C11orf65: variants seen among roughly 807,000 people sequenced by gnomAD.
C11orf65 encodes the protein protein MFI.
A neutral mutation model predicts 35.3 loss-of-function variants in C11orf65; 38 were observed. The observed-to-expected ratio is 1.08, with a 90% confidence interval of 0.83 to 1.41. The LOEUF is 1.41. Ranked by LOEUF, C11orf65 falls within the 40% of genes most tolerant of loss-of-function variation. The pLI is 0.00. For missense variants in C11orf65, 370 were observed against 367.1 expected (o/e 1.01, Z -0.06); for synonymous variants, 105 against 114.4 (o/e 0.92, Z 0.53).
downstream of C11orf65, among the ~76,000 whole-genome samples, chr11:108,379,371 G>A (rs1425222210): frequency 3.3e-5 from 5 of 150,624 alleles, no homozygotes; most frequent in South Asian, 2.1e-4. Flanking sequence ...GTAAACTATC[G>A]CAGGACAAAA....
chr11:108,371,493 CTT>C (rs2091575429), intron 2 of C11orf65, among the ~76,000 whole-genome samples: 1 of 152,140 alleles, frequency 6.6e-6, no homozygotes, highest in Admixed American at 6.6e-5. Context: ...ATATTTGTCT[CTT>C]TGTGACTAGC....
At chr11:108,331,755 G>A (rs2086266439) in intron 3 of C11orf65, 1 of 1,311,010 alleles carries the variant, frequency 7.6e-7, no homozygotes, top group East Asian at 2.5e-5. Flanking sequence ...ACACATGCAG[G>A]CATACACGCT....
chr11:108,347,207 T>C (rs1419304398), intron 2 of C11orf65: 3 of 1,187,158 alleles, frequency 2.5e-6, no homozygotes, highest in South Asian at 1.2e-5. Flanking sequence ...GTGGTCTTAA[T>C]TGAAATTATG....
In C11orf65 at chr11:108,467,473, A is replaced by C. The variant is rs905421339; in HGVS notation, c.-12T>G. On this transcript the variant is annotated splice_region_variant and 5_prime_UTR_variant, in exon 1 of 9. Coordinates refer to ENST00000393084, the MANE Select transcript of C11orf65 (RefSeq NM_152587.5). ...GGGACACTATTCCCTTCACCTACCA[A>C]TCGCTGCTGGCCCGGGCGCCGCTGG... The C allele has an allele frequency of 1.3e-5, 2 of 152,372 alleles. No individual in the cohort carries two copies. Among genetic ancestry groups the C allele is most frequent in the African/African-American group, 4.8e-5 (2 of 41,426 alleles). 9.4% of individuals were successfully genotyped at this position (152,372 alleles called of 1,614,324 possible). A position where few individuals can be genotyped will look rare whatever the true frequency, so the allele number is the denominator to read the frequency against.
chr11:108,376,581 A>G (rs1000675457), intron 2 of C11orf65, among the ~76,000 whole-genome samples: 1 of 151,110 alleles, frequency 6.6e-6, no homozygotes, highest in Admixed American at 6.6e-5. Flanking sequence ...TAGAAAAGCA[A>G]GAGCAAACAC....
chr11:108,335,886 C>A lies in C11orf65; in HGVS notation c.227-594G>T, dbSNP rs1060504307. On this transcript the variant is annotated intron_variant, in intron 2 of 3. Transcript: ENST00000524755. Reference sequence around the variant, plus strand: ...GACAAGATGCTGTCATGCAACAGGTCTTCCAGATGTGTAATACATTACTGC... The same window carrying A: ...GACAAGATGCTGTCATGCAACAGGTATTCCAGATGTGTAATACATTACTGC... 6.2e-7 allele frequency: 1 copy of A among 1,613,960 alleles called. No individual in the cohort carries two copies. Among genetic ancestry groups the A allele is most frequent in the Non-Finnish European group, 8.5e-7 (1 of 1,179,934 alleles).
chr11:108,310,152 T>C lies in C11orf65; in HGVS notation c.641-1081A>G. ...AAGTGAATGACATTATATCTCATTT[T>C]TCTTTAGACCTTCTTCAGGAACAAT... is the stretch of plus-strand genomic sequence containing the variant. On this transcript the variant is annotated intron_variant, in intron 6 of 6. Transcript: ENST00000525729. 6.2e-7 allele frequency: 1 copy of C among 1,612,054 alleles called. No individual in the cohort carries two copies. The highest frequency in any genetic ancestry group is 8.5e-7 in the Non-Finnish European group (1 of 1,178,612).
At chr11:108,320,855 T>A (rs534134534) in intron 6 of C11orf65, among the ~76,000 whole-genome samples, 1 of 152,324 alleles carries the variant, frequency 6.6e-6, no homozygotes, top group East Asian at 1.9e-4. Context: ...ACCAATAACA[T>A]AAGCAGTAGA....
intron 2 of C11orf65, among the ~76,000 whole-genome samples, chr11:108,356,305 A>G (rs2089916112): frequency 6.6e-6 from 1 of 152,086 alleles, no homozygotes; most frequent in Non-Finnish European, 1.5e-5. Context: ...AGAGGCCGAG[A>G]CAGGTGGATC....
At chr11:108,433,559 GAC>G (rs1006220322) in intron 2 of C11orf65, among the ~76,000 whole-genome samples, 84 of 149,788 alleles carry the variant, frequency 5.6e-4, no homozygotes, top group African/African-American at 2.0e-3. Context: ...CAGCCTGGGT[GAC>G]AGAGTGAGAC....
chr11:108,434,627 G>A (rs1401442844), intron 2 of C11orf65, among the ~76,000 whole-genome samples: 4 of 151,892 alleles, frequency 2.6e-5, no homozygotes, highest in Non-Finnish European at 5.9e-5. Context: ...CTAACACTGA[G>A]CCCCTGGTAT....
chr11:108,317,735 T>A lies in C11orf65; in HGVS notation c.641-8664A>T, dbSNP rs117867175. ...GTGTGTATATATATATAAAAAAATA[T>A]ATAGTAGATGTTGCAAGCTATAGAT... On this transcript the variant is annotated intron_variant, in intron 6 of 6. Transcript: ENST00000525729. Among the ~76,000 whole-genome samples, 15,562 of 148,240 alleles carry A rather than the reference T, an allele frequency of 0.1. 1,157 individuals carry two copies. Among genetic ancestry groups the A allele is most frequent in the Non-Finnish European group, 0.14 (9,730 of 67,252 alleles).
intron 6 of C11orf65, among the ~76,000 whole-genome samples, chr11:108,403,309 A>C (rs1166389808): frequency 1.3e-5 from 2 of 151,316 alleles, no homozygotes; most frequent in African/African-American, 4.9e-5. Flanking sequence ...GATTAATCAT[A>C]GTCACTGGTT....
In C11orf65 at chr11:108,365,111, G is replaced by T. The variant is rs1060501650; in HGVS notation, c.226+28097C>A. 1 of 1,614,044 alleles carries T rather than the reference G, an allele frequency of 6.2e-7. No homozygotes were observed. The highest frequency in any genetic ancestry group is 8.5e-7 in the Non-Finnish European group (1 of 1,179,998). On this transcript the variant is annotated intron_variant, in intron 2 of 3. Coordinates refer to the C11orf65 transcript ENST00000524755. ...TTCTATATGATCCACTCTTTGACTG[G>T]ACCATGAATCCTTTGAAAGCTTTGT...
intron 6 of C11orf65, chr11:108,326,292 A>T: frequency 6.4e-7 from 1 of 1,550,708 alleles, no homozygotes; most frequent in South Asian, 1.2e-5. Flanking sequence ...TGTACTTTAA[A>T]ATATTTTTAA....
intron 3 of C11orf65, chr11:108,334,874 CTGTT>C: frequency 3.6e-6 from 5 of 1,407,728 alleles, no homozygotes; most frequent in East Asian, 2.4e-5. Flanking sequence ...ATTTGTTTCT[CTGTT>C]TAATATTAAA....
Position 108,407,100 on chromosome 11 carries a change from C to A in C11orf65, c.224G>T (p.Gly75Val), listed in dbSNP as rs2092555458. 1 of 1,610,532 alleles carries A rather than the reference C, an allele frequency of 6.2e-7. No individual in the cohort carries two copies. The change falls in exon 4 of 9, where the codon GGT becomes GTT. Residue 75 changes from glycine (G) to valine (V), a missense_variant. Gly to Val is a moderately radical substitution (Grantham distance 109, BLOSUM62 -3). Transcript: ENST00000393084. ...TAAGCATTCATCCATACTTACTCCACCTAATCTGAATCGCACATGAATGCC... is the reference window on the plus strand; with the variant it reads ...TAAGCATTCATCCATACTTACTCCAACTAATCTGAATCGCACATGAATGCC... ...AAGIHVRFRL[G>V]GVKFPPDIYY...
intron 2 of C11orf65, among the ~76,000 whole-genome samples, chr11:108,376,360 A>G (rs1169664168): frequency 2.0e-5 from 3 of 152,222 alleles, no homozygotes; most frequent in Admixed American, 2.0e-4. Context: ...TGGAAACTGA[A>G]CAACCTGCTC....
intron 3 of C11orf65, among the ~76,000 whole-genome samples, chr11:108,423,946 G>A (rs2092860391): frequency 6.6e-6 from 1 of 152,138 alleles, no homozygotes; most frequent in Admixed American, 6.6e-5. Context: ...CCACAAAGAT[G>A]AGGAAAAACA....
Sources: allele counts gnomAD v4.1 joint callset (sites outside exome capture counted in the v4.1 genomes callset), GRCh38; gene constraint gnomAD v4.1.1; transcripts MANE v1.5; gene names NCBI Gene and HGNC (gene_info 2026-07-23, HGNC 2026-07-21).